The following DOCK9 variants were observed in gnomAD, a reference collection of about 807,000 sequenced individuals.
DOCK9 encodes dedicator of cytokinesis 9.
In DOCK9, 89 loss-of-function variants were observed where a neutral mutation model predicts 263.3. That is an observed-to-expected ratio of 0.34 (90% CI 0.28 to 0.40). DOCK9 has a LOEUF of 0.40. Ranked by LOEUF, DOCK9 falls within the 10% of genes least tolerant of loss-of-function variation. The probability of loss-of-function intolerance (pLI) is 1.00; values close to 1 mark genes in which losing one functional copy is unlikely to be tolerated. For synonymous variants in DOCK9, 976 were observed against 973.1 expected (o/e 1.00, Z -0.06); for missense variants, 2,140 against 2,603.4 (o/e 0.82, Z 3.87).
chr13:98,983,761 T>C (rs1415619444), intron 1 of DOCK9, among the ~76,000 whole-genome samples: 2 of 151,706 alleles, frequency 1.3e-5, no homozygotes, highest in African/African-American at 2.4e-5. Context: ...GGATTACAGG[T>C]GCCCACCACC....
At position 99,008,229 on chromosome 13, in the gene DOCK9, TA is replaced by T. The variant is rs1165798235; in HGVS notation, c.130-52679del. On this transcript the variant is annotated intron_variant, in intron 1 of 32. Transcript: ENST00000427887. ...CTCTCTCTCTATATATATATATATA[TA>T]TATATTTTTTTTTTTTTTTGAGACG... 3.8e-3 allele frequency among the ~76,000 whole-genome samples: 456 copies of T among 121,210 alleles called. 9 individuals are homozygous for T. The highest frequency in any genetic ancestry group is 0.027 in the Middle Eastern group (6 of 226). 79.5% of individuals were successfully genotyped at this position (121,210 alleles called of 152,430 possible).
At chr13:98,840,072 G>C (rs1205089383) in intron 38 of DOCK9, among the ~76,000 whole-genome samples, 1 of 152,192 alleles carries the variant, frequency 6.6e-6, no homozygotes, top group African/African-American at 2.4e-5. Flanking sequence ...GGCTGAACCA[G>C]TCACAGAGAC....
intron 1 of DOCK9, among the ~76,000 whole-genome samples, chr13:99,042,995 C>A (rs1260913250): frequency 6.6e-6 from 1 of 152,218 alleles, no homozygotes; most frequent in Admixed American, 6.5e-5. Flanking sequence ...CCCTTCTGAG[C>A]TCTCTGACCC....
intron 7 of DOCK9, among the ~76,000 whole-genome samples, chr13:98,919,969 A>T (rs1340653994): frequency 6.6e-6 from 1 of 152,210 alleles, no homozygotes; most frequent in East Asian, 1.9e-4. Context: ...TATGCTTATA[A>T]GCTGCTGCCT....
At chr13:98,963,036 G>A (rs1189559103) in intron 1 of DOCK9, among the ~76,000 whole-genome samples, 1 of 152,160 alleles carries the variant, frequency 6.6e-6, no homozygotes, top group Non-Finnish European at 1.5e-5. Context: ...GAGTGGGTGG[G>A]GAGAAAGAGC....
At chr13:98,861,824 A>T (rs552605544) in intron 32 of DOCK9, among the ~76,000 whole-genome samples, 12 of 152,204 alleles carry the variant, frequency 7.9e-5, no homozygotes, top group Admixed American at 1.3e-4. Context: ...CAGCACAAAG[A>T]TAATATAAAT....
intron 48 of DOCK9, among the ~76,000 whole-genome samples, 154 bp from the exon 49 acceptor site, chr13:98,805,363 C>T (rs1003005060): frequency 3.3e-5 from 5 of 152,190 alleles, no homozygotes; most frequent in African/African-American, 9.6e-5. Flanking sequence ...TCAACAACTG[C>T]TAGCAGTTTG....
chr13:98,960,457 C>T (rs2058510183), intron 1 of DOCK9, among the ~76,000 whole-genome samples: 2 of 152,200 alleles, frequency 1.3e-5, no homozygotes, highest in Admixed American at 6.5e-5. Context: ...AGTCCTTCAG[C>T]TTTCCCCGTC....
At chr13:99,062,606 C>G (rs147886678) in intron 1 of DOCK9, among the ~76,000 whole-genome samples, 15 of 152,302 alleles carry the variant, frequency 9.8e-5, no homozygotes, top group Middle Eastern at 3.4e-3. Flanking sequence ...TGTCTGCATT[C>G]GCTCCCGCAA....
At chr13:98,968,416 T>A (rs2141276574) in intron 1 of DOCK9, among the ~76,000 whole-genome samples, 1 of 151,900 alleles carries the variant, frequency 6.6e-6, no homozygotes, top group East Asian at 1.9e-4. Flanking sequence ...AGGCCAAGAG[T>A]TCGAGACCAG....
Position 98,885,042 on chromosome 13 carries a change from C to G in DOCK9, c.2311G>C (p.Glu771Gln). The G allele has an allele frequency of 6.2e-7, 1 of 1,613,624 alleles. No homozygotes were observed. Among genetic ancestry groups the G allele is most frequent in the South Asian group, 1.1e-5 (1 of 90,982 alleles). Residue 771 changes from glutamate (E) to glutamine (Q), a missense_variant, in exon 21 of 53, where the codon GAG (glutamate) becomes CAG (glutamine). Around this residue, in one of 2 missense-constraint regions of DOCK9, gnomAD observed 1,521 missense variants for 1,741.7 expected, o/e 0.87. Transcript: ENST00000682017. Reference sequence around the variant, plus strand: ...TTCGCCGAGACCGGGATGTGCTGCTCGCTTGTCACCACCCTTCCGTCTTTC... The same window carrying G: ...TTCGCCGAGACCGGGATGTGCTGCTGGCTTGTCACCACCCTTCCGTCTTTC... The part of the protein sequence containing the change: ...LLKDGRVVTS[E>Q]QHIPVSANLP...
chr13:98,846,912 G>A (rs1008761665), intron 37 of DOCK9: 6 of 303,248 alleles, frequency 2.0e-5, no homozygotes, highest in African/African-American at 1.3e-4. Flanking sequence ...TTTGTATAGA[G>A]CAGAGCATAT....
upstream of DOCK9, among the ~76,000 whole-genome samples, chr13:98,979,709 A>G (rs1251116307): frequency 1.1e-4 from 17 of 152,150 alleles, no homozygotes; most frequent in Admixed American, 1.1e-3. Context: ...CCAAAATAAT[A>G]TTATCTATAA....
chr13:98,796,493 C>T (rs1594070879), intron 52 of DOCK9, among the ~76,000 whole-genome samples: 1 of 152,262 alleles, frequency 6.6e-6, no homozygotes, highest in Middle Eastern at 3.4e-3. Flanking sequence ...TCTAGGCATT[C>T]CCTGGGTATG....
chr13:98,856,105 G>A, intron 33 of DOCK9, 74 bp from the exon 34 acceptor site: 1 of 1,501,352 alleles, frequency 6.7e-7, no homozygotes, highest in South Asian at 1.2e-5. Flanking sequence ...GAACTTTAAG[G>A]GAAATTGCTT....
At chr13:99,043,023 T>C (rs1473220463) in intron 1 of DOCK9, among the ~76,000 whole-genome samples, 1 of 152,140 alleles carries the variant, frequency 6.6e-6, no homozygotes, top group Non-Finnish European at 1.5e-5. Context: ...CCCACAGCAC[T>C]GCTGGGTGAC....
At chr13:98,971,265 C>G (rs2059701686) in intron 1 of DOCK9, among the ~76,000 whole-genome samples, 1 of 152,190 alleles carries the variant, frequency 6.6e-6, no homozygotes. Context: ...TGTTCTGCAG[C>G]CTCGTGTTTA....
intron 9 of DOCK9, among the ~76,000 whole-genome samples, chr13:98,905,618 C>T (rs920957731): frequency 6.6e-6 from 1 of 151,960 alleles, no homozygotes; most frequent in Non-Finnish European, 1.5e-5. Context: ...AGAAATGAGT[C>T]TGGGATTTGA....
At chr13:99,059,653 T>C (rs1450647637) in intron 1 of DOCK9, among the ~76,000 whole-genome samples, 6 of 152,206 alleles carry the variant, frequency 3.9e-5, no homozygotes, top group Non-Finnish European at 2.9e-5. Context: ...TACAAACTTG[T>C]GTTTTTAATA....
Sources: allele counts gnomAD v4.1 joint callset (sites outside exome capture counted in the v4.1 genomes callset), GRCh38; gene constraint gnomAD v4.1.1; regional missense constraint gnomAD v4.1.1; transcripts MANE v1.5; gene names NCBI Gene and HGNC (gene_info 2026-07-23, HGNC 2026-07-21).